FSTL4: variants seen among roughly 807,000 people sequenced by gnomAD.
The protein encoded by FSTL4 is follistatin-related protein 4.
Under a neutral mutation model 78.2 loss-of-function variants are expected in FSTL4, and 28 were observed. The ratio of observed to expected loss-of-function variants is 0.36; its 90% CI spans 0.27 to 0.49. FSTL4 has a LOEUF of 0.49. Among genes scored for constraint, FSTL4 ranks in the 20% least tolerant of loss-of-function variants. The pLI, the probability that FSTL4 is intolerant of heterozygous loss-of-function variation, is 0.98. For synonymous variants in FSTL4, 422 were observed against 440.5 expected (o/e 0.96, Z 0.53); for missense variants, 922 against 1,084.9 (o/e 0.85, Z 2.11).
At chr5:133,712,212 G>T in the FSTL4 span, among the ~76,000 whole-genome samples, 2 of 152,224 alleles carry the variant, frequency 1.3e-5, no homozygotes, top group Non-Finnish European at 2.9e-5. Flanking sequence ...TCTAATGGAT[G>T]TGGGGAGCAT....
chr5:133,628,809 G>A, the FSTL4 span, among the ~76,000 whole-genome samples: 1 of 152,070 alleles, frequency 6.6e-6, no homozygotes, highest in Non-Finnish European at 1.5e-5. Context: ...GAATTCTTGT[G>A]ATTTTTGCAC....
At chr5:133,517,899 A>G (rs1176589827) in intron 3 of FSTL4, among the ~76,000 whole-genome samples, 1 of 152,192 alleles carries the variant, frequency 6.6e-6, no homozygotes, top group African/African-American at 2.4e-5. Flanking sequence ...TTTTCTACTA[A>G]GACCTTCCAC....
chr5:133,342,737 G>A (rs1754609418), intron 4 of FSTL4, among the ~76,000 whole-genome samples: 1 of 152,134 alleles, frequency 6.6e-6, no homozygotes, highest in Non-Finnish European at 1.5e-5. Flanking sequence ...GGGACTATGA[G>A]AAAACTTGGG....
chr5:133,745,678 G>A, the FSTL4 span, among the ~76,000 whole-genome samples: 2 of 152,190 alleles, frequency 1.3e-5, no homozygotes, highest in Non-Finnish European at 2.9e-5. Context: ...TTTGCCCAGG[G>A]CCAGAGCTGC....
intron 2 of FSTL4, among the ~76,000 whole-genome samples, chr5:133,571,922 C>A (rs922402161): frequency 3.9e-5 from 6 of 152,044 alleles, no homozygotes; most frequent in African/African-American, 1.4e-4. Context: ...AGAGTTCTAA[C>A]AAGCATGTAA....
At chr5:133,554,597 AACAG>A (rs1292901856) in intron 3 of FSTL4, among the ~76,000 whole-genome samples, 1 of 152,202 alleles carries the variant, frequency 6.6e-6, no homozygotes. Context: ...TTTTTTCCTA[AACAG>A]ACAGACAGTG....
At position 133,410,785 on chromosome 5, in the gene FSTL4, C is replaced by T. The variant is rs557840116; in HGVS notation, c.161-9799G>A. 7.2e-5 allele frequency among the ~76,000 whole-genome samples: 11 copies of T among 152,324 alleles called. No individual in the cohort carries two copies. The South Asian group carries it at 2.3e-3, about 32-fold the overall frequency. The stretch of plus-strand genomic sequence containing the variant: ...GCACAGAAAACTACCATTTTCTAAT[C>T]AGGAGCATTTCAATTTCTCCTCTCA... On this transcript the variant is annotated intron_variant, in intron 3 of 15. Transcript: ENST00000265342.
At chr5:133,480,513 G>A (rs1028138460) in intron 3 of FSTL4, among the ~76,000 whole-genome samples, 5 of 152,022 alleles carry the variant, frequency 3.3e-5, no homozygotes, top group African/African-American at 1.2e-4. Flanking sequence ...TTGCCTAAGG[G>A]GACATTCTCT....
chr5:133,688,710 C>T, the FSTL4 span, among the ~76,000 whole-genome samples: 2 of 152,184 alleles, frequency 1.3e-5, no homozygotes, highest in Non-Finnish European at 2.9e-5. Context: ...TTTCTAAAGT[C>T]AATGATTCTG....
At chr5:133,745,787 C>T in the FSTL4 span, among the ~76,000 whole-genome samples, 8 of 152,222 alleles carry the variant, frequency 5.3e-5, no homozygotes, top group Non-Finnish European at 1.2e-4. Context: ...TCAATAGGTA[C>T]AGCCCATTTC....
At chr5:133,513,624 C>T (rs534123380) in intron 3 of FSTL4, among the ~76,000 whole-genome samples, 171 of 152,294 alleles carry the variant, frequency 1.1e-3, no homozygotes, top group African/African-American at 4.0e-3. Flanking sequence ...TCCACATGGA[C>T]AGACGGCAAG....
At chr5:133,274,614 G>A (rs567968148) in intron 6 of FSTL4, among the ~76,000 whole-genome samples, 8 of 152,222 alleles carry the variant, frequency 5.3e-5, no homozygotes, top group Non-Finnish European at 1.5e-5. Flanking sequence ...GAGTGAGAGG[G>A]CTTTGGTGGG....
intron 3 of FSTL4, among the ~76,000 whole-genome samples, chr5:133,452,323 C>A (rs1158841514): frequency 1.3e-5 from 2 of 152,226 alleles, no homozygotes; most frequent in African/African-American, 2.4e-5. Flanking sequence ...AAGTACCAAA[C>A]CAAACAACTG....
chr5:133,808,876 C>T, the FSTL4 span, among the ~76,000 whole-genome samples: 3 of 150,326 alleles, frequency 2.0e-5, no homozygotes, highest in African/African-American at 7.4e-5. Context: ...CCACCGCCCC[C>T]GCACACAAAC....
At chr5:133,790,795 T>A in the FSTL4 span, among the ~76,000 whole-genome samples, 5 of 152,208 alleles carry the variant, frequency 3.3e-5, no homozygotes, top group Admixed American at 3.3e-4. Context: ...TAAGAAATCT[T>A]CTGTGTCCAG....
chr5:133,615,606 C>G (rs181556061), upstream of FSTL4, among the ~76,000 whole-genome samples: 15 of 152,280 alleles, frequency 9.9e-5, no homozygotes, highest in African/African-American at 3.4e-4. Context: ...TTCAGTTATT[C>G]TGATCTAAAC....
chr5:133,669,873 G>GAGCCTCTCTGCTCTCTAGCAT, the FSTL4 span, among the ~76,000 whole-genome samples: 1 of 152,174 alleles, frequency 6.6e-6, no homozygotes, highest in South Asian at 2.1e-4. Flanking sequence ...GTGCTAGGCT[G>GAGCCTCTCTGCTCTCTAGCAT]AGCCTCTCTG....
intron 3 of FSTL4, among the ~76,000 whole-genome samples, chr5:133,436,303 C>T (rs937451763): frequency 6.6e-6 from 1 of 152,132 alleles, no homozygotes; most frequent in Non-Finnish European, 1.5e-5. Flanking sequence ...CACTTGGGCT[C>T]AGCTCCAAAA....
chr5:133,556,296 T>C (rs1759785674), intron 3 of FSTL4, among the ~76,000 whole-genome samples: 1 of 152,152 alleles, frequency 6.6e-6, no homozygotes, highest in Non-Finnish European at 1.5e-5. Context: ...ATCTCAGAGG[T>C]TGTTTATGAA....
Sources: gnomAD v4.1 joint callset for allele counts (sites outside exome capture counted in the v4.1 genomes callset) on GRCh38, gnomAD v4.1.1 for gene constraint, MANE v1.5 for transcripts, NCBI Gene and HGNC (gene_info 2026-07-23, HGNC 2026-07-21) for gene names.